FIRRM: variants seen among roughly 807,000 people sequenced by gnomAD.
The protein encoded by FIRRM is FIGNL1 interacting regulator of recombination and mitosis.
the FIRRM span, among the ~76,000 whole-genome samples, chr1:169,796,207 C>T: frequency 0.066 from 10,060 of 152,242 alleles, 423 homozygotes; most frequent in Non-Finnish European, 0.099. Context: ...AGGTACAGAA[C>T]TGCCGTCTTC....
At chr1:169,838,599 C>T in the FIRRM span, among the ~76,000 whole-genome samples, 1 of 152,232 alleles carries the variant, frequency 6.6e-6, no homozygotes, top group Non-Finnish European at 1.5e-5. Flanking sequence ...AAGCGATTAT[C>T]CTGCCTCAGC....
At chr1:169,818,888 T>C in the FIRRM span, among the ~76,000 whole-genome samples, 1 of 152,136 alleles carries the variant, frequency 6.6e-6, no homozygotes, top group Non-Finnish European at 1.5e-5. Flanking sequence ...GGTTTCGCCA[T>C]GTTGGCCAGG....
At chr1:169,852,974 A>ATACTC in the FIRRM span, 3 of 1,614,008 alleles carry the variant, frequency 1.9e-6, no homozygotes, top group East Asian at 4.5e-5. Context: ...CGTTACATAC[A>ATACTC]TACTCTAGGG....
At chr1:169,849,777 A>G in the FIRRM span, 9 of 595,060 alleles carry the variant, frequency 1.5e-5, no homozygotes, top group Non-Finnish European at 2.7e-5. Flanking sequence ...AGGCTTAGAT[A>G]AATGAAGTGA....
At chr1:169,839,778 A>G in the FIRRM span, among the ~76,000 whole-genome samples, 1 of 152,056 alleles carries the variant, frequency 6.6e-6, no homozygotes, top group Non-Finnish European at 1.5e-5. Flanking sequence ...TTTCATTACA[A>G]TTGCTATTGG....
the FIRRM span, among the ~76,000 whole-genome samples, chr1:169,832,090 T>G: frequency 6.6e-6 from 1 of 152,224 alleles, no homozygotes; most frequent in Non-Finnish European, 1.5e-5. Context: ...GCTTCTGTCT[T>G]GTAGAGTTTT....
At chr1:169,841,925 C>T in the FIRRM span, among the ~76,000 whole-genome samples, 2 of 152,118 alleles carry the variant, frequency 1.3e-5, no homozygotes, top group East Asian at 3.9e-4. Context: ...TGCCTGTAAT[C>T]CTAGCACTTT....
the FIRRM span, among the ~76,000 whole-genome samples, chr1:169,804,862 T>C: frequency 6.6e-6 from 1 of 152,126 alleles, no homozygotes; most frequent in Middle Eastern, 3.2e-3. Flanking sequence ...TTTGTATTTT[T>C]AGTAGAGACA....
chr1:169,852,834 G>GTAC, the FIRRM span: 1 of 1,614,116 alleles, frequency 6.2e-7, no homozygotes, highest in Non-Finnish European at 8.5e-7. Context: ...GGGAAGAAGA[G>GTAC]TACAGGTCAG....
the FIRRM span, chr1:169,804,304 T>C: frequency 3.6e-6 from 4 of 1,115,672 alleles, no homozygotes; most frequent in Middle Eastern, 2.3e-4. Flanking sequence ...ATTAAAATTG[T>C]CTCTAATGAT....
At chr1:169,819,675 T>C in the FIRRM span, among the ~76,000 whole-genome samples, 1 of 150,970 alleles carries the variant, frequency 6.6e-6, no homozygotes, top group African/African-American at 2.4e-5. Context: ...ACAGCACTTT[T>C]TAAAACGTCC....
the FIRRM span, among the ~76,000 whole-genome samples, chr1:169,796,473 G>A: frequency 6.6e-6 from 1 of 152,174 alleles, no homozygotes; most frequent in Non-Finnish European, 1.5e-5. Flanking sequence ...TGAGTAAATG[G>A]TTTCACAAAC....
chr1:169,821,536 T>G, the FIRRM span: 9 of 492,602 alleles, frequency 1.8e-5, no homozygotes, highest in Non-Finnish European at 2.8e-5. Flanking sequence ...AGGAGTTATA[T>G]TTTCTCGGAA....
At chr1:169,816,832 C>T in the FIRRM span, among the ~76,000 whole-genome samples, 16 of 152,282 alleles carry the variant, frequency 1.1e-4, no homozygotes, top group African/African-American at 3.1e-4. Flanking sequence ...GCACACTATT[C>T]CAGCCAAAGC....
At chr1:169,803,087 T>C in the FIRRM span, 1 of 1,272,834 alleles carries the variant, frequency 7.9e-7, no homozygotes, top group South Asian at 1.3e-5. Flanking sequence ...ATTGCTGTAT[T>C]TGTAGCACCC....
At chr1:169,848,563 TTTTA>T in the FIRRM span, among the ~76,000 whole-genome samples, 1 of 152,210 alleles carries the variant, frequency 6.6e-6, no homozygotes, top group African/African-American at 2.4e-5. Context: ...TAAGGGGCTC[TTTTA>T]TTTGTTCATA....
the FIRRM span, among the ~76,000 whole-genome samples, chr1:169,848,024 T>G: frequency 6.6e-6 from 1 of 152,120 alleles, no homozygotes; most frequent in Non-Finnish European, 1.5e-5. Flanking sequence ...ACACAAATAA[T>G]TAGTTGGCTG....
chr1:169,849,793 G>A, the FIRRM span: 23 of 576,226 alleles, frequency 4.0e-5, no homozygotes, highest in East Asian at 3.5e-4. Context: ...AGTGAATTTC[G>A]TAAGGTCCTC....
At chr1:169,835,902 T>C in the FIRRM span, among the ~76,000 whole-genome samples, 1 of 152,176 alleles carries the variant, frequency 6.6e-6, no homozygotes, top group Admixed American at 6.6e-5. Flanking sequence ...CACTCGCTCA[T>C]CAAGGGATCT....
Sources: gnomAD v4.1 joint callset for allele counts (sites outside exome capture counted in the v4.1 genomes callset) on GRCh38, gnomAD v4.1.1 for gene constraint, MANE v1.5 for transcripts, NCBI Gene and HGNC (gene_info 2026-07-23, HGNC 2026-07-21) for gene names.